NBPF8: variants seen among roughly 807,000 people sequenced by gnomAD.
NBPF8 encodes the protein NBPF member 8.
upstream of NBPF8, among the ~76,000 whole-genome samples, chr1:120,418,547 C>A (rs1283005299): frequency 6.6e-6 from 1 of 151,674 alleles, no homozygotes; most frequent in Admixed American, 6.6e-5. Context: ...AGGACTACAT[C>A]GAACAATTTT....
downstream of NBPF8, chr1:120,467,814 G>C (rs1405224922): frequency 2.6e-5 from 4 of 152,126 alleles, no homozygotes; most frequent in Non-Finnish European, 4.4e-5. Context: ...GGTGGGTACT[G>C]ATGCGAATTA....
chr1:120,450,030 C>T (rs587693726), intron 11 of NBPF8, among the ~76,000 whole-genome samples: 1 of 152,060 alleles, frequency 6.6e-6, no homozygotes, highest in Non-Finnish European at 1.5e-5. Context: ...AGTTTGGGAC[C>T]AGCCTGGGCA....
At chr1:120,455,133 AT>A (rs1454672474) in intron 15 of NBPF8, among the ~76,000 whole-genome samples, 4 of 150,876 alleles carry the variant, frequency 2.7e-5, no homozygotes, top group African/African-American at 9.7e-5. Flanking sequence ...ATTTTTGGAG[AT>A]TTTTTTGGGG....
intron 20 of NBPF8, among the ~76,000 whole-genome samples, chr1:120,462,405 T>C (rs1661617180): frequency 6.7e-6 from 1 of 148,252 alleles, no homozygotes; most frequent in African/African-American, 2.5e-5. Context: ...AGGTTGACCA[T>C]ACCTCAAAGG....
At chr1:120,418,792 C>A (rs1418208437), upstream of NBPF8, among the ~76,000 whole-genome samples, 3 of 149,234 alleles carry the variant, frequency 2.0e-5, no homozygotes, top group Non-Finnish European at 4.4e-5. Flanking sequence ...AAATGACCCT[C>A]CCACCTTGGC....
chr1:120,449,849 G>A (rs1184328497), intron 11 of NBPF8, among the ~76,000 whole-genome samples: 1 of 152,202 alleles, frequency 6.6e-6, no homozygotes, highest in Non-Finnish European at 1.5e-5. Context: ...GAAACTTGGT[G>A]ATAGTAGCCA....
chr1:120,456,192 G>T (rs1439019210), intron 16 of NBPF8, among the ~76,000 whole-genome samples: 1 of 151,300 alleles, frequency 6.6e-6, no homozygotes, highest in African/African-American at 2.5e-5. Context: ...CAACTATGTG[G>T]TCAATTTTGG....
rs1570935790 is a variant in NBPF8, at chr1:120,443,051, G to A, written n.1158+1G>A. The A allele has an allele frequency of 6.2e-5, 22 of 354,956 alleles. 2 individuals carry two copies. The highest frequency in any genetic ancestry group is 2.1e-4 in the East Asian group (3 of 14,442). The allele number at this position is 354,956 out of a possible 1,614,324, so 22.0% of individuals were successfully genotyped here. ...CTGGCCAACCGACAGAAGAAATACA[G>A]TAAGATCTATAGGCTCACCGTCATG... On this transcript the variant is annotated splice_donor_variant and non_coding_transcript_variant, in intron 6 of 24. Coordinates refer to ENST00000583271, the Ensembl canonical transcript of NBPF8.
At chr1:120,418,909 G>A (rs1381122601), upstream of NBPF8, among the ~76,000 whole-genome samples, 1 of 151,374 alleles carries the variant, frequency 6.6e-6, no homozygotes, top group Non-Finnish European at 1.5e-5. Flanking sequence ...ATCTCTTACA[G>A]CTATTATTTA....
chr1:120,455,287 G>C (rs1404761851), intron 15 of NBPF8, 122 bp from the exon 14 acceptor site: 2 of 645,462 alleles, frequency 3.1e-6, no homozygotes, highest in Admixed American at 5.5e-5. Flanking sequence ...GAATATTCCT[G>C]TCAGAATCCT....
intron 1 of NBPF8, among the ~76,000 whole-genome samples, chr1:120,421,100 A>G (rs1461809024): frequency 1.3e-5 from 2 of 151,324 alleles, no homozygotes; most frequent in Non-Finnish European, 2.9e-5. Context: ...TCTGGGATCC[A>G]CTGTCTCATC....
At chr1:120,416,766 G>A (rs1378020698), upstream of NBPF8, among the ~76,000 whole-genome samples, 1 of 151,962 alleles carries the variant, frequency 6.6e-6, no homozygotes, top group Admixed American at 6.6e-5. Context: ...ATTACATATT[G>A]TTGAACGTTT....
At chr1:120,468,987 C>T (rs1215268774), downstream of NBPF8, among the ~76,000 whole-genome samples, 142 of 152,112 alleles carry the variant, frequency 9.3e-4, 1 homozygote, top group Non-Finnish European at 1.6e-3. Flanking sequence ...AAGTTGACCC[C>T]TACGGCTCTG....
At chr1:120,436,476 T>C (rs1661083314) in exon 1 of NBPF8, 4 of 1,303,778 alleles carry the variant, frequency 3.1e-6, no homozygotes, top group Non-Finnish European at 3.3e-6. Flanking sequence ...TGTTTGGGTT[T>C]CTTCTCCCCA....
At chr1:120,454,477 A>G (rs1205090211) in intron 15 of NBPF8, among the ~76,000 whole-genome samples, 1 of 152,114 alleles carries the variant, frequency 6.6e-6, no homozygotes, top group African/African-American at 2.4e-5. Context: ...GGAAGCTGGC[A>G]GCCTTGCCTT....
At chr1:120,425,600 C>T (rs1456762262) in intron 1 of NBPF8, among the ~76,000 whole-genome samples, 8 of 152,158 alleles carry the variant, frequency 5.3e-5, no homozygotes, top group Non-Finnish European at 7.3e-5. Flanking sequence ...GTATGCTGAA[C>T]GCCGGTCCCC....
intron 16 of NBPF8, among the ~76,000 whole-genome samples, chr1:120,457,791 T>TG (rs1454055771): frequency 3.9e-5 from 2 of 50,822 alleles, no homozygotes; most frequent in Admixed American, 1.8e-4. Context: ...ACTATACATA[T>TG]GGAAAAAAAA....
chr1:120,463,727 G>T, exon 22 of NBPF8: 1 of 156,894 alleles, frequency 6.4e-6, no homozygotes, highest in Non-Finnish European at 1.1e-5. Context: ...CCATGCCCCA[G>T]GTAACTGAGC....
At chr1:120,419,606 G>T (rs1380768099), upstream of NBPF8, among the ~76,000 whole-genome samples, 2 of 152,024 alleles carry the variant, frequency 1.3e-5, no homozygotes, top group African/African-American at 4.8e-5. Context: ...CTACAAGTGT[G>T]TGCCACCATG....
Sources: allele counts gnomAD v4.1 joint callset (sites outside exome capture counted in the v4.1 genomes callset), GRCh38; gene constraint gnomAD v4.1.1; transcripts MANE v1.5; gene names NCBI Gene and HGNC (gene_info 2026-07-23, HGNC 2026-07-21).